Variants in SLC46A1 observed in about 807,000 individuals in gnomAD.
The protein encoded by SLC46A1 is solute carrier family 46 member 1.
SLC46A1 carries 17 observed loss-of-function variants against 32.1 expected under a neutral mutation model. The ratio of observed to expected loss-of-function variants is 0.53; its 90% CI spans 0.36 to 0.79. The LOEUF (loss-of-function observed/expected upper bound fraction) is 0.79, where lower values mean the gene tolerates loss of function less well. SLC46A1 is among the 30% of genes least tolerant of loss of function. The pLI is 0.00. For synonymous variants in SLC46A1, 240 were observed against 262.7 expected (o/e 0.91, Z 0.84); for missense variants, 517 against 588.2 (o/e 0.88, Z 1.25).
rs1555588468 is a variant in SLC46A1, at chr17:28,397,681, A to AT, written c.*1974dup. The AT allele has an allele frequency of 6.6e-6, 1 of 152,174 alleles. No homozygotes were observed. Among genetic ancestry groups the AT allele is most frequent in the Non-Finnish European group, 1.5e-5 (1 of 68,044 alleles). The allele number at this position is 152,174 out of a possible 1,614,324, so 9.4% of individuals were successfully genotyped here. A position where few individuals can be genotyped will look rare whatever the true frequency, so the allele number is the denominator to read the frequency against. On this transcript the variant is annotated 3_prime_UTR_variant, in exon 5 of 5. Transcript: ENST00000612814. ...AAAGAATCTAGCAGCGGGGGATAGG[A>AT]TTTTGCAACAAAAAGCTGACCCAGA... is the stretch of plus-strand genomic sequence containing the variant.
rs1418029761 is a variant in SLC46A1, at chr17:28,396,304, A to G, written c.*3352T>C. 6.2e-7 allele frequency: 1 copy of G among 1,613,252 alleles called. No homozygotes were observed. The highest frequency in any genetic ancestry group is 2.2e-5 in the East Asian group (1 of 44,856). On this transcript the variant is annotated 3_prime_UTR_variant, in exon 5 of 5. Coordinates refer to ENST00000612814, the MANE Select transcript of SLC46A1 (RefSeq NM_080669.6). Reference sequence around the variant, plus strand: ...CAACCTAACCAGTCCCCAGTTCCCCAGCCCTGCTGTGACTTCCATTTCCAT... The same window carrying G: ...CAACCTAACCAGTCCCCAGTTCCCCGGCCCTGCTGTGACTTCCATTTCCAT...
Position 28,395,726 on chromosome 17 carries a change from G to C in SLC46A1, c.*3930C>G, listed in dbSNP as rs2068112921. 1 of 635,510 alleles carries C rather than the reference G, an allele frequency of 1.6e-6. No individual in the cohort carries two copies. Among genetic ancestry groups the C allele is most frequent in the Non-Finnish European group, 2.7e-6 (1 of 372,186 alleles). The allele number at this position is 635,510 out of a possible 1,614,324, so 39.4% of individuals were successfully genotyped here. On this transcript the variant is annotated 3_prime_UTR_variant, in exon 5 of 5. Coordinates refer to ENST00000612814, the MANE Select transcript of SLC46A1 (RefSeq NM_080669.6). ...CTCTGTGCCAGGAACTCTGGGCAAAGGAAAAATATTTATTTTTTATTACAC... is the reference window on the plus strand; with the variant it reads ...CTCTGTGCCAGGAACTCTGGGCAAACGAAAAATATTTATTTTTTATTACAC...
Position 28,396,363 on chromosome 17 carries a change from T to A in SLC46A1, c.*3293A>T. On this transcript the variant is annotated 3_prime_UTR_variant, in exon 5 of 5. Transcript: ENST00000612814. The stretch of plus-strand genomic sequence containing the variant: ...CTGAAGGAACAGCTCCTGAAACCAG[T>A]CTCCCTGGGCTGAGACAACCTGGGC... 6.4e-7 allele frequency: 1 copy of A among 1,574,286 alleles called. No homozygotes were observed. The highest frequency in any genetic ancestry group is 8.7e-7 in the Non-Finnish European group (1 of 1,151,112).
chr17:28,406,451 A>T (rs1303288134), upstream of SLC46A1: 10 of 288,380 alleles, frequency 3.5e-5, no homozygotes, highest in African/African-American at 6.6e-5. This position sits in a 1 kb window ranked among gnomAD's most constrained non-coding sequence, Gnocchi z 4.5. Context: ...TGTATTGACC[A>T]CTTACTATGT....
In SLC46A1 at chr17:28,395,557, C is replaced by T. The variant is rs532298179; in HGVS notation, c.*4099G>A. The T allele has an allele frequency of 2.6e-5, 6 of 230,282 alleles. No individual in the cohort carries two copies. Among genetic ancestry groups the T allele is most frequent in the African/African-American group, 1.1e-4 (5 of 44,564 alleles). The allele number at this position is 230,282 out of a possible 1,614,324, so 14.3% of individuals were successfully genotyped here. On this transcript the variant is annotated 3_prime_UTR_variant, in exon 5 of 5. Transcript: ENST00000612814. ...GGGCTGAAAGTTCCAATCCTCTAGT[C>T]ATGCCCTGGTCTCCCTGGTGACCAG... is the stretch of plus-strand genomic sequence containing the variant.
chr17:28,405,724 T>A (rs781863569), intron 1 of SLC46A1, 163 bp downstream of exon 1: 64 of 983,414 alleles, frequency 6.5e-5, no homozygotes, highest in Admixed American at 1.1e-4. Flanking sequence ...TCCCACCCGC[T>A]GAGGTTCTCG....
intron 2 of SLC46A1, chr17:28,404,335 G>A (rs2068229204): frequency 2.1e-6 from 1 of 483,138 alleles, no homozygotes. Flanking sequence ...AGCAATTAGT[G>A]TATGAGCCAC....
In SLC46A1 at chr17:28,398,215, G is replaced by A. The variant is rs2068154643; in HGVS notation, c.*1441C>T. On this transcript the variant is annotated 3_prime_UTR_variant, in exon 5 of 5. Coordinates refer to ENST00000612814, the MANE Select transcript of SLC46A1 (RefSeq NM_080669.6). ...CCAATCAGTCCCACTCCCTCCTGAG[G>A]TCCCCAAGGGCAGTATTCAGAGAGG... The A allele has an allele frequency of 1.3e-5, 2 of 152,366 alleles. No homozygotes were observed. The highest frequency in any genetic ancestry group is 1.5e-5 in the Non-Finnish European group (1 of 68,186). The allele number at this position is 152,366 out of a possible 1,614,324, so 9.4% of individuals were successfully genotyped here.
rs1436003414 is a variant in SLC46A1, at chr17:28,398,158, A to T, written c.*1498T>A. The T allele has an allele frequency of 1.3e-5, 2 of 152,334 alleles. No individual in the cohort carries two copies. The highest frequency in any genetic ancestry group is 6.5e-5 in the Admixed American group (1 of 15,292). 9.4% of individuals were successfully genotyped at this position (152,334 alleles called of 1,614,324 possible). A position where few individuals can be genotyped will look rare whatever the true frequency, so the allele number is the denominator to read the frequency against. ...GCCAATAACAATACAGTGTCTGAGT[A>T]TCTCCAGGGGATGATTTCTGGCTCT... On this transcript the variant is annotated 3_prime_UTR_variant, in exon 5 of 5. Coordinates refer to ENST00000612814, the MANE Select transcript of SLC46A1 (RefSeq NM_080669.6).
rs1311806798 is a variant in SLC46A1, at chr17:28,395,512, T to C, written c.*4144A>G. On this transcript the variant is annotated 3_prime_UTR_variant, in exon 5 of 5. Coordinates refer to ENST00000612814, the MANE Select transcript of SLC46A1 (RefSeq NM_080669.6). Reference sequence around the variant, plus strand: ...GTGATTGAACTCAATCTCCAGCACCTCTCTGGAGGCTGGGAGGTGGGGCTG... The same window carrying C: ...GTGATTGAACTCAATCTCCAGCACCCCTCTGGAGGCTGGGAGGTGGGGCTG... 5 of 192,852 alleles carry C rather than the reference T, an allele frequency of 2.6e-5. No homozygotes were observed. Among genetic ancestry groups the C allele is most frequent in the African/African-American group, 1.2e-4 (5 of 42,780 alleles). The allele number at this position is 192,852 out of a possible 1,614,324, so 11.9% of individuals were successfully genotyped here.
rs1555591386 is a variant in SLC46A1 at position 28,406,101 on chromosome 17, G to A, written c.14C>T (p.Ala5Val). The change falls in exon 1 of 5, where the codon GCG becomes GTG. Residue 5 changes from alanine to valine, a missense_variant. Physicochemically the swap from Ala to Val is moderately conservative, Grantham distance 64. Transcript: ENST00000612814. The surrounding 1 kb of genome is among the most constrained non-coding windows in gnomAD (Gnocchi z 4.5). ...GGCGCGGGGCTTTTCCGGGGGGCTC[G>A]CGCTCCCCTCCATGTGCGTGCGCGG... MEGS[A>V]SPPEKPRARP... 1 of 1,555,446 alleles carries A rather than the reference G, an allele frequency of 6.4e-7. No individual in the cohort carries two copies. The highest frequency in any genetic ancestry group is 8.7e-7 in the Non-Finnish European group (1 of 1,153,072).
chr17:28,404,251 A>G (rs574589337), intron 2 of SLC46A1: 4 of 276,684 alleles, frequency 1.4e-5, no homozygotes, highest in Non-Finnish European at 2.8e-5. Context: ...TTATCAGAGA[A>G]GTGAGTACCA....
rs368855743 is a variant in SLC46A1 at position 28,396,111 on chromosome 17, T to A, written c.*3545A>T. On this transcript the variant is annotated 3_prime_UTR_variant, in exon 5 of 5. Transcript: ENST00000612814. ...TGTGGGCAAACAGCTGACTAGCAGC[T>A]CCCTCTGCCCAGCTGTCTGAACCAC... The A allele has an allele frequency of 1.1e-4, 171 of 1,613,640 alleles. No individual in the cohort carries two copies. The African/African-American group carries it at 1.8e-3, about 17-fold the overall frequency.
chr17:28,402,877 G>A (rs944298665), intron 2 of SLC46A1: 1 of 152,528 alleles, frequency 6.6e-6, no homozygotes, highest in Non-Finnish European at 1.5e-5. Flanking sequence ...ATGCAGGTGT[G>A]CAGTTAAGCC....
Position 28,399,304 on chromosome 17 carries a change from C to T in SLC46A1, c.*352G>A, listed in dbSNP as rs2068166701. ...GGCTGGAAGGAGAGATGCCAGCCCT[C>T]GTGCTGCCTCTGGTCCCTGAAGTGT... On this transcript the variant is annotated 3_prime_UTR_variant, in exon 5 of 5. Transcript: ENST00000612814. 1 of 251,662 alleles carries T rather than the reference C, an allele frequency of 4.0e-6. No individual in the cohort carries two copies. The highest frequency in any genetic ancestry group is 4.7e-5 in the Admixed American group (1 of 21,054). The allele number at this position is 251,662 out of a possible 1,614,324, so 15.6% of individuals were successfully genotyped here.
Position 28,396,577 on chromosome 17 carries a change from A to T in SLC46A1, c.*3079T>A, listed in dbSNP as rs1249384793. The T allele has an allele frequency of 1.7e-5, 7 of 422,610 alleles. No individual in the cohort carries two copies. Among genetic ancestry groups the T allele is most frequent in the Admixed American group, 1.1e-4 (3 of 26,268 alleles). 26.2% of individuals were successfully genotyped at this position (422,610 alleles called of 1,614,324 possible). On this transcript the variant is annotated 3_prime_UTR_variant, in exon 5 of 5. Transcript: ENST00000612814. ...AGGGTCCCTGCTCAGTTCTGGAGACACTGGAGTTGGGGTGGGGGTGGTTCT... is the reference window on the plus strand; with the variant it reads ...AGGGTCCCTGCTCAGTTCTGGAGACTCTGGAGTTGGGGTGGGGGTGGTTCT...
Position 28,396,368 on chromosome 17 carries a change from C to T in SLC46A1, c.*3288G>A. The T allele has an allele frequency of 1.9e-6, 3 of 1,553,782 alleles. No homozygotes were observed. The highest frequency in any genetic ancestry group is 2.3e-5 in the South Asian group (2 of 86,990). ...GGAACAGCTCCTGAAACCAGTCTCC[C>T]TGGGCTGAGACAACCTGGGCTCTTC... On this transcript the variant is annotated 3_prime_UTR_variant, in exon 5 of 5. Coordinates refer to ENST00000612814, the MANE Select transcript of SLC46A1 (RefSeq NM_080669.6).
In SLC46A1 at chr17:28,404,629, A is replaced by G. The variant is rs1299594897; in HGVS notation, c.1068T>C (p.Pro356=). ...CACACACTTTACCTGTGAACATGAG[A>G]GGCGTGATAGTGGCAAAGGCAAAGA... ...MVVFAFATIT[P]LMFTGYGLLF... Residue 356 remains proline (P), a synonymous_variant, in exon 2 of 5, where the codon CCT becomes CCC. Coordinates refer to ENST00000612814, the MANE Select transcript of SLC46A1 (RefSeq NM_080669.6). 1.2e-6 allele frequency: 2 copies of G among 1,610,318 alleles called. No individual in the cohort carries two copies. Among genetic ancestry groups the G allele is most frequent in the South Asian group, 2.2e-5 (2 of 90,902 alleles).
chr17:28,402,210 C>T, intron 3 of SLC46A1, 28 bp downstream of exon 3: 1 of 1,598,700 alleles, frequency 6.3e-7, no homozygotes, highest in Non-Finnish European at 8.5e-7. Context: ...ACATGAGGAA[C>T]CAGACACAGG....
Sources: gnomAD v4.1 joint callset for allele counts on GRCh38, gnomAD v4.1.1 for gene constraint, Gnocchi (gnomAD v3.1) non-coding constraint, MANE v1.5 for transcripts, NCBI Gene and HGNC (gene_info 2026-07-23, HGNC 2026-07-21) for gene names.